The following TMEM135 variants were observed in gnomAD, a reference collection of about 807,000 sequenced individuals.
The protein encoded by TMEM135 is peroxisomal membrane protein 52.
In TMEM135, 30 loss-of-function variants were observed where a neutral mutation model predicts 60.3. The observed-to-expected ratio is 0.50, with a 90% CI of 0.37 to 0.68. The LOEUF is 0.68. TMEM135 is among the 30% of genes least tolerant of loss of function. The pLI is 0.00. For missense variants in TMEM135, 468 were observed against 548.8 expected (o/e 0.85, Z 1.47); for synonymous variants, 190 against 186.7 (o/e 1.02, Z -0.14).
In TMEM135 at chr11:87,322,800, C is replaced by T. The variant is rs1243592865; in HGVS notation, c.*1467C>T. The T allele has an allele frequency of 2.2e-6, 1 of 454,354 alleles. No homozygotes were observed. Among genetic ancestry groups the T allele is most frequent in the Admixed American group, 2.3e-5 (1 of 42,556 alleles). The allele number at this position is 454,354 out of a possible 1,614,324, so 28.1% of individuals were successfully genotyped here. On this transcript the variant is annotated 3_prime_UTR_variant, in exon 15 of 15. Transcript: ENST00000305494. ...CAGAAACCCAACAAAAAGACAGACT[C>T]TGGTACTATGGTAACAGAGCCACTT...
rs571692950 is a variant in TMEM135 at position 87,319,145 on chromosome 11, A to G, written c.1177-165A>G. On this transcript the variant is annotated intron_variant, in intron 13 of 14. Coordinates refer to ENST00000305494, the MANE Select transcript of TMEM135 (RefSeq NM_022918.4). ...CGGCCTCCCCAAGTGCTGAGATTAC[A>G]GGTGTGAGCCACCGTGCCCAGCCAA... The G allele has an allele frequency of 1.4e-5, 9 of 639,652 alleles. No homozygotes were observed. In the East Asian group the frequency reaches 2.0e-4, roughly 14 times the overall value. 39.6% of individuals were successfully genotyped at this position (639,652 alleles called of 1,614,324 possible).
chr11:87,171,352 T>A (rs1039581791), intron 5 of TMEM135, among the ~76,000 whole-genome samples: 1 of 151,488 alleles, frequency 6.6e-6, no homozygotes, highest in African/African-American at 2.4e-5. Flanking sequence ...TTTTTTTTTT[T>A]AATCACATTT....
chr11:87,269,063 T>A lies in TMEM135; in HGVS notation c.510-26719T>A, dbSNP rs1941808722. 3.4e-5 allele frequency among the ~76,000 whole-genome samples: 5 copies of A among 146,794 alleles called. No individual in the cohort carries two copies. In the South Asian group the frequency reaches 1.1e-3, roughly 32 times the overall value. On this transcript the variant is annotated intron_variant, in intron 6 of 14. Transcript: ENST00000305494. ...TTTCAAAATCGCTTTTAAAAATGGC[T>A]AGTTTTTTTTTTTTGAAATACGCAA...
intron 4 of TMEM135, among the ~76,000 whole-genome samples, chr11:87,135,319 A>G (rs1486838463): frequency 7.9e-5 from 12 of 152,030 alleles, no homozygotes; most frequent in Non-Finnish European, 1.8e-4. Flanking sequence ...TAAGGTCATA[A>G]GAGTTTCTGC....
At chr11:87,172,033 A>G (rs1000141407) in intron 5 of TMEM135, among the ~76,000 whole-genome samples, 13 of 152,094 alleles carry the variant, frequency 8.5e-5, no homozygotes, top group Non-Finnish European at 1.6e-4. Context: ...TACATCTCCC[A>G]GGGGTTGGGA....
chr11:87,181,292 A>G (rs1048081126), intron 5 of TMEM135, among the ~76,000 whole-genome samples: 1 of 152,012 alleles, frequency 6.6e-6, no homozygotes, highest in Admixed American at 6.6e-5. Context: ...AACAATAAAG[A>G]TAAAAGACAA....
At chr11:87,159,899 G>A (rs963535073) in intron 5 of TMEM135, among the ~76,000 whole-genome samples, 1 of 151,988 alleles carries the variant, frequency 6.6e-6, no homozygotes, top group African/African-American at 2.4e-5. Context: ...TAATTTAAAG[G>A]ATTATTTAAA....
intron 6 of TMEM135, among the ~76,000 whole-genome samples, chr11:87,242,288 T>G (rs567201022): frequency 6.6e-6 from 1 of 152,050 alleles, no homozygotes; most frequent in African/African-American, 2.4e-5. Context: ...TCTTTGCTAT[T>G]GTGAATAGTG....
At chr11:87,180,746 A>G (rs903768129) in intron 5 of TMEM135, among the ~76,000 whole-genome samples, 3 of 152,204 alleles carry the variant, frequency 2.0e-5, no homozygotes, top group Non-Finnish European at 4.4e-5. Flanking sequence ...GTAGGTTGGG[A>G]CTTGTGGTTT....
chr11:87,193,031 C>T (rs1939851304), intron 5 of TMEM135, among the ~76,000 whole-genome samples: 1 of 152,286 alleles, frequency 6.6e-6, no homozygotes, highest in East Asian at 1.9e-4. Flanking sequence ...AGGAGAATCA[C>T]TTGAACCTGG....
At chr11:87,284,154 G>A (rs1293824160) in intron 6 of TMEM135, among the ~76,000 whole-genome samples, 1 of 152,124 alleles carries the variant, frequency 6.6e-6, no homozygotes, top group Non-Finnish European at 1.5e-5. Flanking sequence ...AATTTGTTAA[G>A]TCTGCACTCA....
intron 4 of TMEM135, among the ~76,000 whole-genome samples, chr11:87,102,480 A>G (rs1366984780): frequency 6.6e-6 from 1 of 152,154 alleles, no homozygotes; most frequent in Non-Finnish European, 1.5e-5. Flanking sequence ...TGCATGTGGG[A>G]ATGTAAAATT....
At chr11:87,196,388 T>A (rs1313522129) in intron 5 of TMEM135, among the ~76,000 whole-genome samples, 5 of 151,872 alleles carry the variant, frequency 3.3e-5, no homozygotes, top group South Asian at 2.1e-4. Flanking sequence ...TTAAAAAAAA[T>A]TTCTAAGAAA....
intron 6 of TMEM135, among the ~76,000 whole-genome samples, chr11:87,278,736 ATACTC>A: frequency 6.6e-6 from 1 of 152,332 alleles, no homozygotes; most frequent in Admixed American, 6.5e-5. Flanking sequence ...TTTGAAGAGT[ATACTC>A]TATGAGTTCT....
chr11:87,278,111 A>G (rs1441686079), intron 6 of TMEM135, among the ~76,000 whole-genome samples: 5 of 151,908 alleles, frequency 3.3e-5, no homozygotes, highest in Non-Finnish European at 7.4e-5. Context: ...TCTTCACTCA[A>G]CTCAAGCTAT....
At chr11:87,188,967 A>G (rs373350396) in intron 5 of TMEM135, among the ~76,000 whole-genome samples, 2 of 151,758 alleles carry the variant, frequency 1.3e-5, no homozygotes, top group East Asian at 3.9e-4. Flanking sequence ...ATTCCATAGT[A>G]TAGTTATACC....
intron 4 of TMEM135, among the ~76,000 whole-genome samples, chr11:87,111,545 G>T (rs1857747457): frequency 6.6e-6 from 1 of 151,660 alleles, no homozygotes; most frequent in Non-Finnish European, 1.5e-5. Context: ...CAGCTACTCG[G>T]GAGGCTGAGG....
intron 5 of TMEM135, among the ~76,000 whole-genome samples, chr11:87,179,485 T>G (rs183797670): frequency 3.3e-5 from 5 of 152,256 alleles, no homozygotes; most frequent in Admixed American, 6.5e-5. Flanking sequence ...TCTCCTTTGT[T>G]TTTCATTTAG....
At chr11:87,169,998 C>T (rs1270082844) in intron 5 of TMEM135, among the ~76,000 whole-genome samples, 2 of 146,078 alleles carry the variant, frequency 1.4e-5, no homozygotes, top group Non-Finnish European at 3.0e-5. Context: ...TTCCTTCGTT[C>T]CTTTTTAGTC....
Sources: allele counts gnomAD v4.1 joint callset (sites outside exome capture counted in the v4.1 genomes callset), GRCh38; gene constraint gnomAD v4.1.1; transcripts MANE v1.5; gene names NCBI Gene and HGNC (gene_info 2026-07-23, HGNC 2026-07-21).